PCDHA4: variants seen among roughly 807,000 people sequenced by gnomAD.
PCDHA4 encodes the protein protocadherin alpha 4.
PCDHA4 carries 49 observed loss-of-function variants against 61.4 expected under a neutral mutation model. That is an observed-to-expected ratio of 0.80 (90% confidence interval 0.63 to 1.01). The LOEUF is 1.01. PCDHA4 is among the 50% of genes least tolerant of loss of function. The pLI is 0.00. For missense variants in PCDHA4, 1,254 were observed against 1,235.8 expected (o/e 1.01, Z -0.22); for synonymous variants, 590 against 550.3 (o/e 1.07, Z -1.01).
At chr5:140,981,186 T>G (rs1307228709) in intron 2 of PCDHA4, among the ~76,000 whole-genome samples, 1 of 152,234 alleles carries the variant, frequency 6.6e-6, no homozygotes, top group Non-Finnish European at 1.5e-5. Flanking sequence ...AGTTCAAGTT[T>G]GCCTGCTCTG....
rs2150118924 is a variant in PCDHA4, at chr5:140,822,737, C to A, written c.2385+13165C>A. The A allele has an allele frequency of 1.9e-6, 3 of 1,613,148 alleles. 1 individual carries two copies. The South Asian group carries it at 3.3e-5, about 18-fold the overall frequency. ...AACTCATATGAAATTAATATTGATG[C>A]CATGGATAAAAGTACATTCCCATTA... On this transcript the variant is annotated intron_variant, in intron 1 of 3. Coordinates refer to ENST00000530339, the MANE Select transcript of PCDHA4 (RefSeq NM_018907.4).
At chr5:141,003,178 A>C (rs2098114996) in intron 3 of PCDHA4, among the ~76,000 whole-genome samples, 1 of 152,180 alleles carries the variant, frequency 6.6e-6, no homozygotes, top group East Asian at 1.9e-4. Context: ...CTGAGGCTCA[A>C]CTCCATCAAC....
At chr5:140,876,753 G>A in intron 1 of PCDHA4, 2 of 1,614,246 alleles carry the variant, frequency 1.2e-6, no homozygotes, top group Non-Finnish European at 1.7e-6. Flanking sequence ...TGGTGACTGC[G>A]CGGGATGGGG....
At position 140,927,603 on chromosome 5, in the gene PCDHA4, A is replaced by G. The variant is rs538616533; in HGVS notation, c.2386-51346A>G. On this transcript the variant is annotated intron_variant, in intron 1 of 3. Coordinates refer to ENST00000530339, the MANE Select transcript of PCDHA4 (RefSeq NM_018907.4). ...ACGCGCCTGTATTTGAGCGCTCCGT[A>G]TACCGCACCAAGGTTCCAGAGACTG... 8.1e-6 allele frequency: 13 copies of G among 1,614,190 alleles called. No homozygotes were observed. In the Admixed American group the frequency reaches 1.2e-4, roughly 14 times the overall value.
intron 1 of PCDHA4, chr5:140,876,755 G>C (rs782037862): frequency 1.9e-6 from 3 of 1,614,248 alleles, no homozygotes; most frequent in Non-Finnish European, 1.7e-6. Flanking sequence ...GTGACTGCGC[G>C]GGATGGGGGC....
At chr5:141,004,117 G>A (rs2098153806) in intron 3 of PCDHA4, among the ~76,000 whole-genome samples, 1 of 152,236 alleles carries the variant, frequency 6.6e-6, no homozygotes. Flanking sequence ...TCAAAAGGGA[G>A]TATCTCCATG....
chr5:140,830,272 C>G, intron 1 of PCDHA4: 1 of 1,613,840 alleles, frequency 6.2e-7, no homozygotes, highest in Non-Finnish European at 8.5e-7. Context: ...CGGCGCCACC[C>G]ACCGAGGGCG....
chr5:140,808,939 G>A lies in PCDHA4; in HGVS notation c.1752G>A (p.Ser584=), dbSNP rs1168359860. 7 of 1,613,608 alleles carry A rather than the reference G, an allele frequency of 4.3e-6. No homozygotes were observed. Among genetic ancestry groups the A allele is most frequent in the East Asian group, 2.2e-5 (1 of 44,890 alleles). Residue 584 remains serine (S), a synonymous_variant, in exon 1 of 4, where the codon TCG becomes TCA. Transcript: ENST00000530339. ...GGAVSELVPW[S]VGVGHVVAKV... is the part of the protein sequence containing the mutation. ...CAGTGAGCGAGCTGGTGCCATGGTC[G>A]GTGGGTGTGGGCCACGTGGTGGCAA...
At chr5:140,811,302 T>C (rs1303740185) in intron 1 of PCDHA4, 1 of 152,298 alleles carries the variant, frequency 6.6e-6, no homozygotes, top group Non-Finnish European at 1.5e-5. Context: ...AATGACGGTT[T>C]CCAGCTTCAT....
In PCDHA4 at chr5:140,849,592, G is replaced by A. The variant is rs2040979573; in HGVS notation, c.2385+40020G>A. 1.3e-6 allele frequency: 2 copies of A among 1,598,672 alleles called. No individual in the cohort carries two copies. The highest frequency in any genetic ancestry group is 1.7e-6 in the Non-Finnish European group (2 of 1,167,964). On this transcript the variant is annotated intron_variant, in intron 1 of 3. Coordinates refer to ENST00000530339, the MANE Select transcript of PCDHA4 (RefSeq NM_018907.4). Reference sequence around the variant, plus strand: ...CCTGTAAAAGAGGACGCACAACTGGGGACAGTTATTGCCCTGATTAGTGTG... The same window carrying A: ...CCTGTAAAAGAGGACGCACAACTGGAGACAGTTATTGCCCTGATTAGTGTG...
intron 1 of PCDHA4, among the ~76,000 whole-genome samples, chr5:140,920,841 T>TA (rs781921146): frequency 0.047 from 5,179 of 109,134 alleles, 120 homozygotes; most frequent in African/African-American, 0.092. Flanking sequence ...AGACCAAATC[T>TA]AAAAAAAAAA....
At chr5:140,914,921 T>C (rs895344325) in intron 1 of PCDHA4, among the ~76,000 whole-genome samples, 1 of 151,508 alleles carries the variant, frequency 6.6e-6, no homozygotes, top group Non-Finnish European at 1.5e-5. Context: ...TGTGTCTTAT[T>C]GTACTATGTT....
intron 1 of PCDHA4, among the ~76,000 whole-genome samples, chr5:140,976,680 C>T (rs2096726528): frequency 6.6e-6 from 1 of 152,146 alleles, no homozygotes; most frequent in African/African-American, 2.4e-5. Context: ...CTCATTTTTG[C>T]AATTTAAGTA....
At chr5:140,985,607 C>T (rs1554247195) in intron 3 of PCDHA4, among the ~76,000 whole-genome samples, 1 of 152,156 alleles carries the variant, frequency 6.6e-6, no homozygotes, top group Non-Finnish European at 1.5e-5. Flanking sequence ...GAGCCCTTTC[C>T]GTGAACCAGC....
chr5:141,001,159 G>A (rs1332533329), intron 3 of PCDHA4, among the ~76,000 whole-genome samples: 2 of 152,076 alleles, frequency 1.3e-5, no homozygotes, highest in Non-Finnish European at 2.9e-5. Context: ...ATCTTAATAA[G>A]TAAAATTTAA....
intron 1 of PCDHA4, among the ~76,000 whole-genome samples, chr5:140,944,025 A>C (rs981840753): frequency 6.6e-6 from 1 of 152,236 alleles, no homozygotes; most frequent in Admixed American, 6.5e-5. Flanking sequence ...AATTATCTTC[A>C]AAATATGGAA....
In PCDHA4 at chr5:140,869,220, C is replaced by T. The variant is rs184355295; in HGVS notation, c.2385+59648C>T. 1,109 of 1,613,836 alleles carry T rather than the reference C, an allele frequency of 6.9e-4. 5 individuals are homozygous for T. The African/African-American group carries it at 0.013, about 19-fold the overall frequency. On this transcript the variant is annotated intron_variant, in intron 1 of 3. Coordinates refer to ENST00000530339, the MANE Select transcript of PCDHA4 (RefSeq NM_018907.4). ...TCCACTACTCCGTCTCGGAGGAGGC[C>T]AAACACGGCACCTTCGTGGGCCGCA...
At chr5:140,836,418 T>C in intron 1 of PCDHA4, 3 of 1,613,726 alleles carry the variant, frequency 1.9e-6, no homozygotes. Context: ...ACCAAAGGCG[T>C]CGTCGCGGGC....
intron 1 of PCDHA4, among the ~76,000 whole-genome samples, chr5:140,906,171 C>T (rs2072420841): frequency 6.6e-6 from 1 of 152,178 alleles, no homozygotes; most frequent in Non-Finnish European, 1.5e-5. Flanking sequence ...AGGAACAATA[C>T]TTTGCATCCT....
Sources: allele counts gnomAD v4.1 joint callset (sites outside exome capture counted in the v4.1 genomes callset), GRCh38; gene constraint gnomAD v4.1.1; transcripts MANE v1.5; gene names NCBI Gene and HGNC (gene_info 2026-07-23, HGNC 2026-07-21).